The following RAD51B variants were observed in gnomAD, a reference collection of about 807,000 sequenced individuals.
RAD51B encodes the protein RAD51 paralog B.
In RAD51B, 38 loss-of-function variants were observed where a neutral mutation model predicts 42.2. That is an observed-to-expected ratio of 0.90 (90% CI 0.70 to 1.18). The LOEUF (loss-of-function observed/expected upper bound fraction) is 1.18, where lower values mean the gene tolerates loss of function less well. Among genes scored for constraint, RAD51B ranks in the 50% most tolerant of loss-of-function variants. The pLI is 0.00. For synonymous variants in RAD51B, 154 were observed against 145.2 expected (o/e 1.06, Z -0.43); for missense variants, 373 against 400.7 (o/e 0.93, Z 0.59).
intron 7 of RAD51B, among the ~76,000 whole-genome samples, chr14:68,137,942 A>G (rs1217741017): frequency 1.3e-5 from 2 of 152,208 alleles, no homozygotes; most frequent in African/African-American, 2.4e-5. Context: ...CCAAGGGCCA[A>G]TGAGAAAGGA....
intron 10 of RAD51B, among the ~76,000 whole-genome samples, chr14:68,578,445 T>C (rs1211503164): frequency 2.0e-5 from 3 of 152,052 alleles, no homozygotes; most frequent in Non-Finnish European, 4.4e-5. Context: ...AGAAAGAAAG[T>C]AATTTCCCCG....
chr14:68,507,825 C>T (rs1400589045), intron 10 of RAD51B, among the ~76,000 whole-genome samples: 1 of 152,200 alleles, frequency 6.6e-6, no homozygotes, highest in Non-Finnish European at 1.5e-5. Context: ...AGTCATGAGC[C>T]CCTGCTCCTC....
chr14:68,122,517 T>C lies in RAD51B; in HGVS notation c.757-169367T>C, dbSNP rs531156561. ...ATGGAAAACATGATATATCATATTA[T>C]TGAAGATAAAGAAGCTTGATCAAAA... On this transcript the variant is annotated intron_variant, in intron 7 of 10. Transcript: ENST00000471583. Among the ~76,000 whole-genome samples, 8 of 152,284 alleles carry C rather than the reference T, an allele frequency of 5.3e-5. No individual in the cohort carries two copies. In the East Asian group the frequency reaches 1.2e-3, roughly 22 times the overall value.
intron 7 of RAD51B, among the ~76,000 whole-genome samples, chr14:68,077,908 A>G (rs1369520026): frequency 6.6e-6 from 1 of 152,240 alleles, no homozygotes; most frequent in African/African-American, 2.4e-5. Context: ...GTGAGCCAAG[A>G]CTGCGCCACT....
intron 7 of RAD51B, among the ~76,000 whole-genome samples, chr14:68,082,101 C>T (rs2076920941): frequency 6.6e-6 from 1 of 152,024 alleles, no homozygotes; most frequent in Admixed American, 6.6e-5. Context: ...GCTGGGACTA[C>T]AAGTGCATGC....
At chr14:67,896,981 A>G (rs114521812) in intron 7 of RAD51B, among the ~76,000 whole-genome samples, 290 of 152,344 alleles carry the variant, frequency 1.9e-3, no homozygotes, top group African/African-American at 6.7e-3. Context: ...GGTATCAAGA[A>G]TACACAAGGG....
At chr14:68,021,090 C>A (rs1007809695) in intron 7 of RAD51B, among the ~76,000 whole-genome samples, 2 of 152,182 alleles carry the variant, frequency 1.3e-5, no homozygotes, top group Non-Finnish European at 2.9e-5. Context: ...TACACTGTGT[C>A]TGCCTTGTTC....
intron 10 of RAD51B, among the ~76,000 whole-genome samples, chr14:68,510,603 C>T (rs536373914): frequency 1.3e-5 from 2 of 152,254 alleles, no homozygotes; most frequent in East Asian, 1.9e-4. Context: ...ATTTCAGTGG[C>T]GCGTCAAAAT....
intron 7 of RAD51B, among the ~76,000 whole-genome samples, chr14:68,102,051 A>G (rs1332895467): frequency 6.6e-6 from 1 of 152,214 alleles, no homozygotes; most frequent in Non-Finnish European, 1.5e-5. Context: ...CTCTGAAGCA[A>G]TGGCCTGAAA....
intron 7 of RAD51B, among the ~76,000 whole-genome samples, chr14:68,288,981 T>C (rs1286255925): frequency 1.3e-5 from 2 of 152,228 alleles, no homozygotes; most frequent in Non-Finnish European, 2.9e-5. Flanking sequence ...AGTATCTTAT[T>C]GGCCTTGATT....
intron 5 of RAD51B, among the ~76,000 whole-genome samples, chr14:67,869,779 A>T (rs574629209): frequency 1.3e-5 from 2 of 152,354 alleles, no homozygotes; most frequent in Admixed American, 1.3e-4. Flanking sequence ...GGGGGCCAAC[A>T]TTCAACATTC....
In RAD51B at chr14:68,469,026, ACTG is replaced by A. The variant is rs34231700; in HGVS notation, c.1036+779_1036+781del. On this transcript the variant is annotated intron_variant, in intron 10 of 10. Transcript: ENST00000471583. Reference sequence around the variant, plus strand: ...CAGCCCACAATGTCAGATGTACAAAACTGCTTTGTGGATGAGGAAGGATCTGCA... The same window carrying A: ...CAGCCCACAATGTCAGATGTACAAAACTTTGTGGATGAGGAAGGATCTGCA... The A allele has an allele frequency of 1.2e-3, 532 of 442,880 alleles. 3 individuals carry two copies. Among genetic ancestry groups the A allele is most frequent in the African/African-American group, 6.4e-3 (323 of 50,836 alleles). The allele number at this position is 442,880 out of a possible 1,614,324, so 27.4% of individuals were successfully genotyped here.
At chr14:68,525,605 G>A (rs1886872685) in intron 10 of RAD51B, among the ~76,000 whole-genome samples, 1 of 152,140 alleles carries the variant, frequency 6.6e-6, no homozygotes, top group African/African-American at 2.4e-5. Flanking sequence ...CCCTGCAATG[G>A]GGTCTCTTCT....
chr14:68,047,016 T>C lies in RAD51B; in HGVS notation c.756+159812T>C, dbSNP rs534472377. Among the ~76,000 whole-genome samples the C allele has an allele frequency of 2.5e-3, 377 of 151,772 alleles. 6 individuals carry two copies. The highest frequency in any genetic ancestry group is 0.01 in the Middle Eastern group (3 of 294). Reference sequence around the variant, plus strand: ...ATGTTCCCACAATATTAAGAGACCATTTCACATCACAGTCTCACTGCTGGA... The same window carrying C: ...ATGTTCCCACAATATTAAGAGACCACTTCACATCACAGTCTCACTGCTGGA... On this transcript the variant is annotated intron_variant, in intron 7 of 10. Coordinates refer to ENST00000471583, the MANE Select transcript of RAD51B (RefSeq NM_133510.4).
At chr14:68,180,258 C>T (rs1003670495) in intron 7 of RAD51B, among the ~76,000 whole-genome samples, 3 of 152,136 alleles carry the variant, frequency 2.0e-5, no homozygotes, top group African/African-American at 7.2e-5. Context: ...GGAGCGCTAA[C>T]ATTCATCTTT....
At chr14:68,628,637 C>T (rs905963529) in intron 10 of RAD51B, among the ~76,000 whole-genome samples, 2 of 152,168 alleles carry the variant, frequency 1.3e-5, no homozygotes, top group African/African-American at 2.4e-5. Flanking sequence ...GGGGACGCTC[C>T]GGTTGCGCCA....
At chr14:68,049,012 G>A (rs2076348321) in intron 7 of RAD51B, among the ~76,000 whole-genome samples, 1 of 152,194 alleles carries the variant, frequency 6.6e-6, no homozygotes, top group African/African-American at 2.4e-5. Flanking sequence ...TTTACATCAT[G>A]GAATACTATG....
At chr14:68,559,138 C>A (rs1279423772) in intron 10 of RAD51B, among the ~76,000 whole-genome samples, 4 of 150,810 alleles carry the variant, frequency 2.7e-5, no homozygotes, top group African/African-American at 4.9e-5. Context: ...TATATACACA[C>A]AAAAAAACCT....
chr14:68,639,946 C>T (rs768081681), intron 10 of RAD51B, among the ~76,000 whole-genome samples: 6 of 151,948 alleles, frequency 3.9e-5, no homozygotes, highest in Admixed American at 6.6e-5. Context: ...GGATTACAGG[C>T]GTGCACCACC....
Sources: allele counts gnomAD v4.1 joint callset (sites outside exome capture counted in the v4.1 genomes callset), GRCh38; gene constraint gnomAD v4.1.1; transcripts MANE v1.5; gene names NCBI Gene and HGNC (gene_info 2026-07-23, HGNC 2026-07-21).